The following ARHGAP29 variants were observed in gnomAD, a reference collection of about 807,000 sequenced individuals.
The protein encoded by ARHGAP29 is Rho GTPase activating protein 29, also known as rho GTPase-activating protein 29.
ARHGAP29 carries 43 observed loss-of-function variants against 122.6 expected under a neutral mutation model. That is an observed-to-expected ratio of 0.35 (90% CI 0.27 to 0.45). The LOEUF (loss-of-function observed/expected upper bound fraction) is 0.45, where lower values mean the gene tolerates loss of function less well. Ranked by LOEUF, ARHGAP29 falls within the 20% of genes least tolerant of loss-of-function variation. The pLI, the probability that ARHGAP29 is intolerant of heterozygous loss-of-function variation, is 1.00. For synonymous variants in ARHGAP29, 506 were observed against 497.1 expected (o/e 1.02, Z -0.24); for missense variants, 1,303 against 1,477.2 (o/e 0.88, Z 1.93).
At chr1:94,181,744 AAACAACAACAAC>A (rs375216269) in intron 19 of ARHGAP29, among the ~76,000 whole-genome samples, 3 of 152,096 alleles carry the variant, frequency 2.0e-5, no homozygotes, top group Non-Finnish European at 4.4e-5. Flanking sequence ...AATGAGTAGA[AAACAACAACAAC>A]AACAACAACA....
At chr1:94,258,751 A>G (rs937045254) in intron 1 of ARHGAP29, among the ~76,000 whole-genome samples, 2 of 152,230 alleles carry the variant, frequency 1.3e-5, no homozygotes, top group Non-Finnish European at 2.9e-5. Flanking sequence ...ACAATCACCT[A>G]TAAGGAAGAT....
intron 1 of ARHGAP29, among the ~76,000 whole-genome samples, chr1:94,253,697 A>G (rs923110896): frequency 2.0e-5 from 3 of 152,032 alleles, no homozygotes; most frequent in Non-Finnish European, 4.4e-5. Context: ...CTTTTCTCTA[A>G]GGGAGAAGGC....
chr1:94,242,006 T>C (rs1042017701), upstream of ARHGAP29, among the ~76,000 whole-genome samples: 2 of 151,974 alleles, frequency 1.3e-5, no homozygotes, highest in East Asian at 1.9e-4. Context: ...TTCCAGGAGA[T>C]TGGAGTTGCC....
At chr1:94,261,180 G>C (rs1352040498) in intron 1 of ARHGAP29, among the ~76,000 whole-genome samples, 1 of 152,118 alleles carries the variant, frequency 6.6e-6, no homozygotes, top group African/African-American at 2.4e-5. Context: ...CCTTACTATT[G>C]CTTGGCCAGA....
intron 3 of ARHGAP29, among the ~76,000 whole-genome samples, chr1:94,215,101 A>G (rs1570553338): frequency 2.0e-5 from 3 of 146,386 alleles, no homozygotes; most frequent in Admixed American, 2.0e-4. Flanking sequence ...AAAGCATGAA[A>G]AGGAAAAAAA....
At chr1:94,203,658 T>A (rs112290961) in intron 8 of ARHGAP29, among the ~76,000 whole-genome samples, 1 of 151,844 alleles carries the variant, frequency 6.6e-6, no homozygotes, top group Non-Finnish European at 1.5e-5. Context: ...CGCTTGAGCC[T>A]CGGGGGACAG....
upstream of ARHGAP29, among the ~76,000 whole-genome samples, chr1:94,276,902 A>G (rs1655212462): frequency 6.9e-6 from 1 of 145,450 alleles, no homozygotes; most frequent in African/African-American, 2.6e-5. Context: ...TTTCTTTTTT[A>G]TAAAATGTAT....
chr1:94,271,999 G>A (rs940271470), intron 1 of ARHGAP29, among the ~76,000 whole-genome samples: 3 of 152,128 alleles, frequency 2.0e-5, no homozygotes, highest in African/African-American at 4.8e-5. Context: ...TTAGACAATG[G>A]GGGCAGGGAT....
chr1:94,272,235 G>A (rs1655019353), intron 1 of ARHGAP29, among the ~76,000 whole-genome samples: 1 of 152,206 alleles, frequency 6.6e-6, no homozygotes, highest in Admixed American at 6.5e-5. Flanking sequence ...AGGAGAGGGT[G>A]AGTGTCACTT....
upstream of ARHGAP29, among the ~76,000 whole-genome samples, chr1:94,239,536 T>TA (rs1192405191): frequency 4.0e-5 from 6 of 149,168 alleles, no homozygotes; most frequent in Admixed American, 4.0e-4. Context: ...GAGAGACAAA[T>TA]ATGTGAGAAG....
At chr1:94,215,104 GAAAAAAA>G (rs199693229) in intron 3 of ARHGAP29, among the ~76,000 whole-genome samples, 1,485 of 83,686 alleles carry the variant, frequency 0.018, 22 homozygotes, top group African/African-American at 0.046. Context: ...GCATGAAAAG[GAAAAAAA>G]AAAAAAAAGA....
chr1:94,189,094 A>G (rs776885148), intron 14 of ARHGAP29, 122 bp downstream of exon 14: 1 of 1,384,236 alleles, frequency 7.2e-7, no homozygotes, highest in African/African-American at 1.5e-5. Context: ...TGTGAATAAG[A>G]TCTCATAAAC....
the ARHGAP29 span, among the ~76,000 whole-genome samples, chr1:94,294,918 A>G: frequency 1.3e-5 from 2 of 152,254 alleles, no homozygotes; most frequent in Non-Finnish European, 2.9e-5. Flanking sequence ...TGAAAATTCA[A>G]TTATTTTGAG....
chr1:94,210,136 T>C (rs375984989), intron 3 of ARHGAP29, among the ~76,000 whole-genome samples: 1 of 152,212 alleles, frequency 6.6e-6, no homozygotes, highest in Admixed American at 6.5e-5. Context: ...GAAAGTGGAA[T>C]TGGTAATTTT....
chr1:94,244,506 C>T (rs991793654), intron 1 of ARHGAP29, among the ~76,000 whole-genome samples: 3 of 151,302 alleles, frequency 2.0e-5, no homozygotes, highest in Admixed American at 6.6e-5. Context: ...CAAAAAAAAC[C>T]GACAGGTTTT....
At position 94,198,624 on chromosome 1, in the gene ARHGAP29, C is replaced by T. The variant is rs1650619432; in HGVS notation, c.1281+3096G>A. Among the ~76,000 whole-genome samples the T allele has an allele frequency of 3.3e-5, 5 of 152,282 alleles. No individual in the cohort carries two copies. The South Asian group carries it at 1.0e-3, about 32-fold the overall frequency. On this transcript the variant is annotated intron_variant, in intron 12 of 22. Coordinates refer to ENST00000260526, the MANE Select transcript of ARHGAP29 (RefSeq NM_004815.4). The stretch of plus-strand genomic sequence containing the variant: ...TACGTATATAGGATTAAATCTAACA[C>T]AACTTATTAAAGGTATGTTGAAAAC...
In ARHGAP29 at chr1:94,193,000, G is replaced by A. The variant is rs565962916; in HGVS notation, c.1282-2917C>T. 20 of 152,112 alleles carry A rather than the reference G, an allele frequency of 1.3e-4. No individual in the cohort carries two copies. In the East Asian group the frequency reaches 3.1e-3, roughly 24 times the overall value. 9.4% of individuals were successfully genotyped at this position (152,112 alleles called of 1,614,324 possible). A position where few individuals can be genotyped will look rare whatever the true frequency, so the allele number is the denominator to read the frequency against. On this transcript the variant is annotated intron_variant, in intron 12 of 22. Transcript: ENST00000260526. ...CCCTGATACAGCTCAGATTTGGGAC[G>A]ATTAGATGAAAAATCTACAACAACT...
chr1:94,244,024 C>T (rs1039541035), intron 1 of ARHGAP29, among the ~76,000 whole-genome samples: 1 of 151,886 alleles, frequency 6.6e-6, no homozygotes, highest in Non-Finnish European at 1.5e-5. Flanking sequence ...TAACTGAATT[C>T]ATTATTTAAA....
rs1366069016 is a variant in ARHGAP29, at chr1:94,173,369, A to C, written c.*500T>G. 2 of 153,034 alleles carry C rather than the reference A, an allele frequency of 1.3e-5. No individual in the cohort carries two copies. The highest frequency in any genetic ancestry group is 4.8e-5 in the African/African-American group (2 of 41,464). The allele number at this position is 153,034 out of a possible 1,614,324, so 9.5% of individuals were successfully genotyped here. A position where few individuals can be genotyped will look rare whatever the true frequency, so the allele number is the denominator to read the frequency against. Reference sequence around the variant, plus strand: ...AAGAGCTTACATACGTATCTTAAAAAAGCACAAATGGTGAAAGATGCACTA... The same window carrying C: ...AAGAGCTTACATACGTATCTTAAAACAGCACAAATGGTGAAAGATGCACTA... On this transcript the variant is annotated 3_prime_UTR_variant, in exon 23 of 23. Transcript: ENST00000260526.
Sources: allele counts gnomAD v4.1 joint callset (sites outside exome capture counted in the v4.1 genomes callset), GRCh38; gene constraint gnomAD v4.1.1; transcripts MANE v1.5; gene names NCBI Gene and HGNC (gene_info 2026-07-23, HGNC 2026-07-21).